LINGO2: variants seen among roughly 807,000 people sequenced by gnomAD.
LINGO2 encodes the protein leucine rich repeat and Ig domain containing 2.
A neutral mutation model predicts 30.6 loss-of-function variants in LINGO2; 14 were observed. The observed-to-expected ratio is 0.46, with a 90% confidence interval of 0.30 to 0.72. LINGO2 has a LOEUF of 0.72. Ranked by LOEUF, LINGO2 falls within the 30% of genes least tolerant of loss-of-function variation. The pLI, the probability that LINGO2 is intolerant of heterozygous loss-of-function variation, is 0.07. For missense variants in LINGO2, 729 were observed against 751.7 expected (o/e 0.97, Z 0.35); for synonymous variants, 317 against 288.5 (o/e 1.10, Z -1.00).
At chr9:28,710,564 G>T in the LINGO2 span, among the ~76,000 whole-genome samples, 1 of 151,824 alleles carries the variant, frequency 6.6e-6, no homozygotes, top group East Asian at 1.9e-4. Context: ...CCAATGGAAA[G>T]GTTTGTGCAA....
chr9:28,868,760 G>A, the LINGO2 span, among the ~76,000 whole-genome samples: 2 of 151,996 alleles, frequency 1.3e-5, no homozygotes, highest in African/African-American at 4.8e-5. Context: ...AACATAATTT[G>A]GTTCCTGTGG....
chr9:28,374,861 G>A (rs761696278), intron 2 of LINGO2, among the ~76,000 whole-genome samples: 4 of 151,826 alleles, frequency 2.6e-5, no homozygotes, highest in Non-Finnish European at 4.4e-5. Context: ...GACCCACCTC[G>A]ACCAAAAGTA....
chr9:28,262,270 CTT>C lies in LINGO2; in HGVS notation c.-87+32936_-87+32937del, dbSNP rs56166353. 1.8e-3 allele frequency among the ~76,000 whole-genome samples: 277 copies of C among 151,144 alleles called. 1 individual carries two copies. Among genetic ancestry groups the C allele is most frequent in the African/African-American group, 1.6e-3 (66 of 41,240 alleles). ...ACCTACTAGTCCTTACTGAATATTA[CTT>C]TTTTTTTTGTCTATGCTTATGTAGT... On this transcript the variant is annotated intron_variant, in intron 4 of 5. Coordinates refer to ENST00000379992, the Ensembl canonical transcript of LINGO2.
At chr9:28,640,515 C>G (rs868001992) in intron 1 of LINGO2, among the ~76,000 whole-genome samples, 1 of 139,472 alleles carries the variant, frequency 7.2e-6, no homozygotes, top group East Asian at 2.1e-4. Context: ...AGGCCTTGTT[C>G]TTTTTTTTTT....
chr9:28,218,691 T>C (rs544980835), intron 4 of LINGO2, among the ~76,000 whole-genome samples: 30 of 152,230 alleles, frequency 2.0e-4, no homozygotes, highest in Admixed American at 3.3e-4. Context: ...GAAGAAGCCA[T>C]GGCTTCTAAG....
chr9:27,985,098 G>T (rs1821062552), intron 5 of LINGO2, among the ~76,000 whole-genome samples: 1 of 151,852 alleles, frequency 6.6e-6, no homozygotes, highest in Admixed American at 6.6e-5. Context: ...ACATGGAAAT[G>T]AGACAACAGA....
At chr9:28,864,493 A>G in the LINGO2 span, among the ~76,000 whole-genome samples, 4 of 152,202 alleles carry the variant, frequency 2.6e-5, no homozygotes, top group Non-Finnish European at 5.9e-5. Flanking sequence ...GCAAAAAGAA[A>G]GGTTTCATTT....
intron 4 of LINGO2, among the ~76,000 whole-genome samples, chr9:28,176,073 A>G (rs1381655868): frequency 6.6e-6 from 1 of 152,202 alleles, no homozygotes; most frequent in African/African-American, 2.4e-5. Context: ...GACTTTCCAT[A>G]GTATTTAGGA....
At chr9:28,442,882 T>C (rs966701336) in intron 2 of LINGO2, among the ~76,000 whole-genome samples, 1 of 152,196 alleles carries the variant, frequency 6.6e-6, no homozygotes, top group African/African-American at 2.4e-5. Flanking sequence ...TTTGCTTCAG[T>C]GATAGAGGAT....
chr9:28,841,373 C>A, the LINGO2 span, among the ~76,000 whole-genome samples: 1 of 151,640 alleles, frequency 6.6e-6, no homozygotes, highest in Non-Finnish European at 1.5e-5. Context: ...TGTTTCTGGG[C>A]CTGAAATTTC....
the LINGO2 span, among the ~76,000 whole-genome samples, chr9:28,795,981 GAT>G: frequency 1.4e-5 from 1 of 72,516 alleles, no homozygotes; most frequent in Admixed American, 1.4e-4. Flanking sequence ...GCCAGTACTA[GAT>G]ACACACACAC....
chr9:29,028,427 G>GGGT, the LINGO2 span, among the ~76,000 whole-genome samples: 3,573 of 123,712 alleles, frequency 0.029, 157 homozygotes, highest in African/African-American at 0.066. Flanking sequence ...TGTGGGGGGG[G>GGGT]GTGAGAGAGA....
chr9:28,071,287 G>C (rs6476035), intron 4 of LINGO2, among the ~76,000 whole-genome samples: 135,377 of 152,126 alleles, frequency 0.89, 60,660 homozygotes, highest in South Asian at 0.97. Flanking sequence ...AATCAAGTTT[G>C]CAGCCATAGT....
chr9:28,371,969 T>C (rs1410040644), intron 3 of LINGO2, among the ~76,000 whole-genome samples: 1 of 152,166 alleles, frequency 6.6e-6, no homozygotes, highest in Non-Finnish European at 1.5e-5. Context: ...TGCGAATCTG[T>C]TGAAGGTCAG....
intron 4 of LINGO2, among the ~76,000 whole-genome samples, chr9:28,057,035 A>G (rs551621789): frequency 1.5e-3 from 231 of 152,268 alleles, no homozygotes; most frequent in Middle Eastern, 3.4e-3. Flanking sequence ...GAGTACCAAG[A>G]AATAAAATGA....
chr9:28,827,646 G>T, the LINGO2 span, among the ~76,000 whole-genome samples: 15,493 of 152,076 alleles, frequency 0.1, 920 homozygotes, highest in African/African-American at 0.16. Context: ...ACATGAGAGT[G>T]ATAATACGTT....
chr9:28,523,547 C>T (rs1037164073), intron 1 of LINGO2, among the ~76,000 whole-genome samples: 2 of 152,092 alleles, frequency 1.3e-5, no homozygotes, highest in Non-Finnish European at 2.9e-5. Context: ...ATCTTACATA[C>T]AGAAAATTCT....
In LINGO2 at chr9:28,051,238, ACT is replaced by A. The variant is rs1164265650; in HGVS notation, c.-86-38835_-86-38834del. Among the ~76,000 whole-genome samples, 56 of 141,058 alleles carry A rather than the reference ACT, an allele frequency of 4.0e-4. No individual in the cohort carries two copies. The East Asian group carries it at 9.0e-3, about 23-fold the overall frequency. The allele number at this position is 141,058 out of a possible 152,430, so 92.5% of individuals were successfully genotyped here. ...TAGTATAGTTTTCTCCAAAGTGAAG[ACT>A]GAAAACTATCAGAAAGAATATAGCT... On this transcript the variant is annotated intron_variant, in intron 4 of 5. Coordinates refer to ENST00000379992, the Ensembl canonical transcript of LINGO2.
At chr9:28,523,250 G>A (rs193072049) in intron 1 of LINGO2, among the ~76,000 whole-genome samples, 1 of 150,872 alleles carries the variant, frequency 6.6e-6, no homozygotes, top group East Asian at 1.9e-4. Context: ...AGTGCAGCTT[G>A]AAAAAAAAAT....
Sources: gnomAD v4.1 joint callset for allele counts (sites outside exome capture counted in the v4.1 genomes callset) on GRCh38, gnomAD v4.1.1 for gene constraint, MANE v1.5 for transcripts, NCBI Gene and HGNC (gene_info 2026-07-23, HGNC 2026-07-21) for gene names.